PKHD1: variants seen among roughly 807,000 people sequenced by gnomAD.
PKHD1 encodes the protein fibrocystin.
In PKHD1, 291 loss-of-function variants were observed where a neutral mutation model predicts 412.0. The observed-to-expected ratio is 0.71, with a 90% CI of 0.64 to 0.78. The LOEUF (loss-of-function observed/expected upper bound fraction) is 0.78. PKHD1 is among the 30% of genes least tolerant of loss of function. The pLI is 0.00. For synonymous variants in PKHD1, 1,777 were observed against 1,821.5 expected, an observed-to-expected ratio of 0.98 and a Z score of 0.62; for missense variants, 4,825 against 4,950.7, an observed-to-expected ratio of 0.97 and a Z score of 0.76.
rs767133404 is a variant in PKHD1 at position 52,079,996 on chromosome 6, A to G, written c.294T>C (p.Ser98=). ...VVTCRTRSVL[S]EAHEGLYFLE... ...GGAAGTACAGACCCTCATGTGCTTC[A>G]GACAGCACAGATCTGAGGACAGAAA... Residue 98 remains serine (S), a synonymous_variant, in exon 5 of 67, where the codon TCT becomes TCC. Coordinates refer to ENST00000371117, the MANE Select transcript of PKHD1 (RefSeq NM_138694.4). 1.3e-6 allele frequency: 2 copies of G among 1,590,090 alleles called. No individual in the cohort carries two copies. Among genetic ancestry groups the G allele is most frequent in the Non-Finnish European group, 1.7e-6 (2 of 1,158,202 alleles).
chr6:51,757,875 A>T (rs1035210960), intron 55 of PKHD1, among the ~76,000 whole-genome samples: 1 of 151,996 alleles, frequency 6.6e-6, no homozygotes, highest in East Asian at 1.9e-4. Context: ...GCCTAGCATG[A>T]TGTCACACAC....
At chr6:52,004,267 C>T (rs1171626715) in intron 35 of PKHD1, among the ~76,000 whole-genome samples, 2 of 152,042 alleles carry the variant, frequency 1.3e-5, no homozygotes, top group South Asian at 2.1e-4. Flanking sequence ...CTGCAAGGCC[C>T]AATCTAATAT....
At chr6:51,896,573 A>G (rs1445295278) in intron 43 of PKHD1, among the ~76,000 whole-genome samples, 1 of 151,402 alleles carries the variant, frequency 6.6e-6, no homozygotes, top group East Asian at 2.0e-4. Flanking sequence ...AAAAAACAGA[A>G]CAGAAAAACT....
intron 52 of PKHD1, among the ~76,000 whole-genome samples, chr6:51,826,356 C>A (rs1338975093): frequency 6.6e-6 from 1 of 152,102 alleles, no homozygotes; most frequent in Admixed American, 6.6e-5. Flanking sequence ...CAAAATGTAA[C>A]AGTGAATTCT....
intron 52 of PKHD1, among the ~76,000 whole-genome samples, chr6:51,796,450 T>A (rs889518869): frequency 5.4e-5 from 8 of 147,484 alleles, no homozygotes; most frequent in African/African-American, 7.6e-5. Context: ...TTCAAAAAAA[T>A]CCTAGATTTG....
In PKHD1 at chr6:51,909,289, T is replaced by C. The variant is rs751398880; in HGVS notation, c.6676A>G (p.Met2226Val). 1 of 1,612,514 alleles carries C rather than the reference T, an allele frequency of 6.2e-7. No homozygotes were observed. Among genetic ancestry groups the C allele is most frequent in the African/African-American group, 1.3e-5 (1 of 74,954 alleles). The change falls in exon 40 of 67, where the codon ATG becomes GTG. Residue 2226 changes from methionine (M) to valine (V), a missense_variant. Transcript: ENST00000371117. Reference protein sequence around the residue: ...HLSSLTLVGAMRESFIQGCTV... With the variant: ...HLSSLTLVGAVRESFIQGCTV... ...TAGGTCCGGACCCCCTTACCTCTCATAGCTCCCACCAGAGTGAGTGAGCTC... is the reference window on the plus strand; with the variant it reads ...TAGGTCCGGACCCCCTTACCTCTCACAGCTCCCACCAGAGTGAGTGAGCTC...
rs140458350 is a variant in PKHD1, at chr6:52,058,577, C to T, written c.1258G>A (p.Gly420Ser). The T allele has an allele frequency of 2.0e-5, 32 of 1,613,990 alleles. No individual in the cohort carries two copies. Among genetic ancestry groups the T allele is most frequent in the Admixed American group, 8.3e-5 (5 of 60,004 alleles). Reference sequence around the variant, plus strand: ...CAGGAGTCAAACCAGTCAGCAGTGCCGACGCTGATGGAGGCCACTTTCACC... The same window carrying T: ...CAGGAGTCAAACCAGTCAGCAGTGCTGACGCTGATGGAGGCCACTTTCACC... Reference protein sequence around the residue: ...TKVKVASISVGTADWFDSWEQ... With the variant: ...TKVKVASISVSTADWFDSWEQ... Residue 420 changes from glycine (G) to serine (S), a missense_variant, in exon 16 of 67, where the codon GGC becomes AGC. Coordinates refer to ENST00000371117, the MANE Select transcript of PKHD1 (RefSeq NM_138694.4).
chr6:51,923,601 T>C (rs995302289), intron 37 of PKHD1, among the ~76,000 whole-genome samples: 1 of 151,246 alleles, frequency 6.6e-6, no homozygotes, highest in Non-Finnish European at 1.5e-5. Flanking sequence ...TTGATAAACA[T>C]AAAATCAAAG....
intron 46 of PKHD1, among the ~76,000 whole-genome samples, chr6:51,881,180 T>C (rs1777283370): frequency 1.3e-5 from 2 of 151,556 alleles, no homozygotes; most frequent in South Asian, 4.2e-4. Flanking sequence ...TAATAGATTT[T>C]TTTTTGCTTG....
At chr6:51,794,418 T>A (rs1794262140) in intron 52 of PKHD1, among the ~76,000 whole-genome samples, 1 of 152,204 alleles carries the variant, frequency 6.6e-6, no homozygotes, top group Non-Finnish European at 1.5e-5. Context: ...AGATGCTGGA[T>A]ATTAGACGTT....
chr6:51,814,974 G>C (rs1765222227), intron 52 of PKHD1, among the ~76,000 whole-genome samples: 1 of 152,162 alleles, frequency 6.6e-6, no homozygotes, highest in Non-Finnish European at 1.5e-5. Context: ...ATTGAGTTCT[G>C]CAGCAGACCA....
At chr6:51,944,527 C>T (rs1301446314) in intron 36 of PKHD1, among the ~76,000 whole-genome samples, 1 of 152,180 alleles carries the variant, frequency 6.6e-6, no homozygotes, top group African/African-American at 2.4e-5. Flanking sequence ...TCAACCAGTG[C>T]TGTGGCCCTT....
chr6:51,636,776 C>T (rs932752152), intron 64 of PKHD1, among the ~76,000 whole-genome samples: 2 of 152,056 alleles, frequency 1.3e-5, no homozygotes, highest in African/African-American at 2.4e-5. Flanking sequence ...GGACGTGTAC[C>T]GTTACTCAGT....
At position 51,959,944 on chromosome 6, in the gene PKHD1, T is replaced by C. The variant is rs1175861642; in HGVS notation, c.5834A>G (p.Asn1945Ser). The change falls in exon 36 of 67, where the codon AAC becomes AGC. Residue 1945 changes from asparagine (N) to serine (S), a missense_variant. Transcript: ENST00000371117. ...FPERLPQDGDNVTVENGQLLL... is the reference protein window; with the variant it reads ...FPERLPQDGDSVTVENGQLLL... ...CAATTGGCCATTCTCCACTGTGACG[T>C]TGTCGCCATCTTGTGGCAGCCTTTC... 3.1e-6 allele frequency: 5 copies of C among 1,613,550 alleles called. No individual in the cohort carries two copies. The highest frequency in any genetic ancestry group is 2.2e-5 in the East Asian group (1 of 44,870).
chr6:51,794,509 A>G (rs1016316957), intron 52 of PKHD1, among the ~76,000 whole-genome samples: 8 of 152,144 alleles, frequency 5.3e-5, no homozygotes, highest in Non-Finnish European at 8.8e-5. Context: ...GCTGTGCAGA[A>G]GCTCTTTAGT....
At chr6:51,981,310 GCTCTCCCTCTCCCTCTCC>G (rs544974307) in intron 35 of PKHD1, among the ~76,000 whole-genome samples, 1 of 12,922 alleles carries the variant, frequency 7.7e-5, no homozygotes, top group African/African-American at 1.4e-4. Context: ...CAAAGCTCAA[GCTCTCCCTCTCCCTCTCC>G]CTCTCCCTCT....
chr6:51,622,678 A>C (rs1490217245), intron 66 of PKHD1: 1 of 152,214 alleles, frequency 6.6e-6, no homozygotes, highest in African/African-American at 2.4e-5. Context: ...TAAAAAGGAA[A>C]ATGTCTGTAG....
chr6:51,809,974 C>T (rs1199008480), intron 52 of PKHD1, among the ~76,000 whole-genome samples: 2 of 151,284 alleles, frequency 1.3e-5, no homozygotes, highest in Admixed American at 1.3e-4. Flanking sequence ...TGTTTGGTAT[C>T]TCCAGTAATA....
intron 35 of PKHD1, among the ~76,000 whole-genome samples, chr6:51,971,235 T>C (rs1479833450): frequency 3.3e-5 from 5 of 152,362 alleles, no homozygotes; most frequent in African/African-American, 1.2e-4. Context: ...TTTAGGCCAC[T>C]AAGATGGTGG....
Sources: gnomAD v4.1 joint callset for allele counts (sites outside exome capture counted in the v4.1 genomes callset) on GRCh38, gnomAD v4.1.1 for gene constraint, MANE v1.5 for transcripts, NCBI Gene and HGNC (gene_info 2026-07-23, HGNC 2026-07-21) for gene names.